The following MACROD2 variants were observed in gnomAD, a reference collection of about 807,000 sequenced individuals.
The protein encoded by MACROD2 is ADP-ribose glycohydrolase MACROD2.
A neutral mutation model predicts 70.4 loss-of-function variants in MACROD2; 36 were observed. That is an observed-to-expected ratio of 0.51 (90% CI 0.39 to 0.68). MACROD2 has a LOEUF of 0.68. Ranked by LOEUF, MACROD2 falls within the 30% of genes least tolerant of loss-of-function variation. The pLI, the probability that MACROD2 is intolerant of heterozygous loss-of-function variation, is 0.00. For synonymous variants in MACROD2, 172 were observed against 178.8 expected, an observed-to-expected ratio of 0.96 and a Z score of 0.30; for missense variants, 496 against 538.4, an observed-to-expected ratio of 0.92 and a Z score of 0.78.
intron 6 of MACROD2, among the ~76,000 whole-genome samples, chr20:15,232,872 C>T (rs77128226): frequency 0.052 from 7,967 of 151,824 alleles, 293 homozygotes; most frequent in Non-Finnish European, 0.084. Flanking sequence ...CTTATTTTAC[C>T]AAAAGAATAG....
At chr20:14,014,759 G>A (rs1239632386) in intron 2 of MACROD2, among the ~76,000 whole-genome samples, 2 of 151,774 alleles carry the variant, frequency 1.3e-5, no homozygotes. Flanking sequence ...GAATACATCT[G>A]TTCTTTCTTG....
intron 3 of MACROD2, among the ~76,000 whole-genome samples, chr20:14,315,254 T>A (rs939645464): frequency 2.6e-5 from 4 of 152,200 alleles, no homozygotes; most frequent in Non-Finnish European, 5.9e-5. Context: ...TTTTGTGAAC[T>A]GGGAAGTAAG....
intron 8 of MACROD2, among the ~76,000 whole-genome samples, chr20:15,794,496 G>A (rs147365670): frequency 6.6e-6 from 1 of 152,252 alleles, no homozygotes; most frequent in East Asian, 1.9e-4. Flanking sequence ...CTGTAGTCAG[G>A]TTCCCAAGGG....
chr20:15,298,776 A>T (rs537094688), intron 6 of MACROD2, among the ~76,000 whole-genome samples: 1 of 152,302 alleles, frequency 6.6e-6, no homozygotes, highest in Admixed American at 6.5e-5. Flanking sequence ...AATGGCTACC[A>T]GTTACCAGGT....
chr20:15,138,061 TA>T (rs1476647327), intron 5 of MACROD2, among the ~76,000 whole-genome samples: 6 of 152,260 alleles, frequency 3.9e-5, no homozygotes, highest in Admixed American at 1.3e-4. Context: ...GTTAGTAAAA[TA>T]ATTGAGTAAC....
chr20:15,204,450 A>T (rs2076684110), intron 5 of MACROD2, among the ~76,000 whole-genome samples: 1 of 152,100 alleles, frequency 6.6e-6, no homozygotes, highest in African/African-American at 2.4e-5. Context: ...TTTTATTATT[A>T]GCTCTCTGAA....
chr20:15,340,620 T>C (rs1456391746), intron 6 of MACROD2, among the ~76,000 whole-genome samples: 1 of 152,078 alleles, frequency 6.6e-6, no homozygotes, highest in Non-Finnish European at 1.5e-5. Flanking sequence ...CTAGAGCTCT[T>C]TCCGCCAGAC....
chr20:14,476,416 C>G (rs1165932029), intron 3 of MACROD2, among the ~76,000 whole-genome samples: 1 of 152,148 alleles, frequency 6.6e-6, no homozygotes, highest in African/African-American at 2.4e-5. Context: ...AGTACAGTGG[C>G]GCAATCTCAG....
At chr20:15,501,542 T>G (rs537659212) in intron 8 of MACROD2, among the ~76,000 whole-genome samples, 16 of 152,364 alleles carry the variant, frequency 1.1e-4, no homozygotes, top group Admixed American at 2.0e-4. Context: ...TGTTTTCTAC[T>G]TAATTCACTT....
intron 8 of MACROD2, among the ~76,000 whole-genome samples, chr20:15,659,614 G>T (rs1356869835): frequency 6.6e-6 from 1 of 151,894 alleles, no homozygotes; most frequent in African/African-American, 2.4e-5. Context: ...TTTCACATTA[G>T]GGGGTAAGAC....
At chr20:14,516,989 T>C (rs1404737556) in intron 4 of MACROD2, among the ~76,000 whole-genome samples, 1 of 152,210 alleles carries the variant, frequency 6.6e-6, no homozygotes, top group Non-Finnish European at 1.5e-5. Context: ...CACAGTGGGA[T>C]ACCATCTCAT....
chr20:14,015,749 C>A (rs6110130), intron 2 of MACROD2, among the ~76,000 whole-genome samples: 26,684 of 152,128 alleles, frequency 0.18, 2,561 homozygotes, highest in South Asian at 0.23. Context: ...TCATGTCTAG[C>A]TTATTTCACT....
At chr20:15,351,605 T>C (rs925580557) in intron 6 of MACROD2, among the ~76,000 whole-genome samples, 6 of 152,144 alleles carry the variant, frequency 3.9e-5, no homozygotes, top group Non-Finnish European at 1.5e-5. Flanking sequence ...CTCTAAAAAG[T>C]CATAGCTGTG....
intron 5 of MACROD2, among the ~76,000 whole-genome samples, chr20:15,000,102 G>A (rs550138077): frequency 6.6e-6 from 1 of 152,268 alleles, no homozygotes; most frequent in East Asian, 1.9e-4. Flanking sequence ...TATCTGTAAT[G>A]GTTTCTTTCA....
intron 4 of MACROD2, among the ~76,000 whole-genome samples, chr20:14,571,591 A>G (rs1311177098): frequency 6.6e-6 from 1 of 152,114 alleles, no homozygotes; most frequent in Non-Finnish European, 1.5e-5. Flanking sequence ...TAGTTGGAGC[A>G]TGCGTAGCAA....
chr20:14,912,449 C>T (rs1814430828), intron 5 of MACROD2, among the ~76,000 whole-genome samples: 1 of 152,154 alleles, frequency 6.6e-6, no homozygotes, highest in Non-Finnish European at 1.5e-5. Flanking sequence ...AAATGGCCTT[C>T]AGAAGTCATT....
chr20:14,711,465 T>A (rs2071337589), intron 5 of MACROD2, among the ~76,000 whole-genome samples: 1 of 152,200 alleles, frequency 6.6e-6, no homozygotes, highest in African/African-American at 2.4e-5. Context: ...CCCATTTATT[T>A]TGAAGTATTG....
chr20:15,469,629 C>T (rs2046939023), intron 7 of MACROD2, among the ~76,000 whole-genome samples: 1 of 152,088 alleles, frequency 6.6e-6, no homozygotes, highest in Non-Finnish European at 1.5e-5. Flanking sequence ...ATCCAGTCCA[C>T]AAGAAAGGGG....
At chr20:14,073,073 T>C (rs902108775) in intron 2 of MACROD2, among the ~76,000 whole-genome samples, 14 of 152,164 alleles carry the variant, frequency 9.2e-5, no homozygotes, top group African/African-American at 3.1e-4. Context: ...TAGTGGTTCA[T>C]GCCTGTAATC....
Sources: gnomAD v4.1 joint callset for allele counts (sites outside exome capture counted in the v4.1 genomes callset) on GRCh38, gnomAD v4.1.1 for gene constraint, MANE v1.5 for transcripts, NCBI Gene and HGNC (gene_info 2026-07-23, HGNC 2026-07-21) for gene names.